The following CFAP54 variants were observed in gnomAD, a reference collection of about 807,000 sequenced individuals.
CFAP54 encodes the protein cilia- and flagella-associated protein 54.
Under a neutral mutation model 370.4 loss-of-function variants are expected in CFAP54, and 290 were observed. That is an observed-to-expected ratio of 0.78 (90% CI 0.71 to 0.86). The LOEUF is 0.86. Among genes scored for constraint, CFAP54 ranks in the 40% least tolerant of loss-of-function variants. CFAP54 has a pLI of 0.00. For synonymous variants in CFAP54, 1,206 were observed against 1,236.5 expected (o/e 0.98, Z 0.52); for missense variants, 3,399 against 3,528.7 (o/e 0.96, Z 0.93).
intron 66 of CFAP54, among the ~76,000 whole-genome samples, chr12:96,842,464 G>T (rs1006844184): frequency 6.6e-6 from 1 of 152,016 alleles, no homozygotes; most frequent in Non-Finnish European, 1.5e-5. Context: ...CCACCAATCT[G>T]TTCTCCATAT....
intron 12 of CFAP54, among the ~76,000 whole-genome samples, chr12:96,536,724 T>G (rs1306532462): frequency 6.6e-6 from 1 of 151,820 alleles, no homozygotes; most frequent in Non-Finnish European, 1.5e-5. Flanking sequence ...CCTCCCAGTT[T>G]CAAGTGATTC....
intron 26 of CFAP54, among the ~76,000 whole-genome samples, chr12:96,600,234 A>C (rs538424097): frequency 6.6e-6 from 1 of 152,176 alleles, no homozygotes; most frequent in Non-Finnish European, 1.5e-5. Context: ...CAGTTTTCCC[A>C]GCACCATTTA....
chr12:96,547,112 CAT>C (rs1355545564), intron 14 of CFAP54, among the ~76,000 whole-genome samples: 2 of 152,156 alleles, frequency 1.3e-5, no homozygotes, highest in East Asian at 1.9e-4. Context: ...CCACCTAAAA[CAT>C]AAAGTACAAG....
intron 39 of CFAP54, 80 bp downstream of exon 39, chr12:96,664,012 T>A: frequency 1.0e-6 from 1 of 994,426 alleles, no homozygotes; most frequent in Non-Finnish European, 1.5e-6. Flanking sequence ...AAACCTTCCA[T>A]AATTAGTATG....
At chr12:96,548,404 A>C (rs1955662267) in intron 15 of CFAP54, among the ~76,000 whole-genome samples, 1 of 151,478 alleles carries the variant, frequency 6.6e-6, no homozygotes, top group African/African-American at 2.4e-5. Context: ...ACCCCCCCTC[A>C]CATTTATATT....
At chr12:96,617,681 T>A (rs949395627) in intron 26 of CFAP54, among the ~76,000 whole-genome samples, 1 of 152,158 alleles carries the variant, frequency 6.6e-6, no homozygotes, top group Non-Finnish European at 1.5e-5. Flanking sequence ...CTTCCAAGGT[T>A]ACTTTTCTTT....
Position 96,608,330 on chromosome 12 carries a change from CACACAT to C in CFAP54, c.3639+9566_3639+9571del, listed in dbSNP as rs1445530131. The stretch of plus-strand genomic sequence containing the variant: ...ATATACACACACACACACACACACA[CACACAT>C]ACGCACACACATACATATAAAATTA... On this transcript the variant is annotated intron_variant, in intron 26 of 67. Transcript: ENST00000524981. Among the ~76,000 whole-genome samples the C allele has an allele frequency of 1.3e-3, 195 of 150,106 alleles. 3 individuals carry two copies. The highest frequency in any genetic ancestry group is 1.5e-3 in the South Asian group (7 of 4,764).
chr12:96,515,651 G>C (rs1955222076), intron 5 of CFAP54, among the ~76,000 whole-genome samples: 1 of 152,150 alleles, frequency 6.6e-6, no homozygotes, highest in Non-Finnish European at 1.5e-5. Context: ...GACGGAAGGA[G>C]AAATAGACCT....
chr12:96,729,534 A>G (rs1285246632), intron 50 of CFAP54, among the ~76,000 whole-genome samples: 1 of 152,212 alleles, frequency 6.6e-6, no homozygotes, highest in African/African-American at 2.4e-5. Flanking sequence ...TCCTAAGCCC[A>G]TCGGAAAAGC....
chr12:96,536,759 T>C (rs1042568732), intron 12 of CFAP54, among the ~76,000 whole-genome samples: 1 of 151,914 alleles, frequency 6.6e-6, no homozygotes, highest in African/African-American at 2.4e-5. Context: ...TCCGAGTAGC[T>C]GGGATTACAG....
chr12:96,743,910 G>A lies in CFAP54; in HGVS notation c.7557G>A (p.Gln2519=). 1 of 1,609,582 alleles carries A rather than the reference G, an allele frequency of 6.2e-7. No homozygotes were observed. Among genetic ancestry groups the A allele is most frequent in the Non-Finnish European group, 8.5e-7 (1 of 1,178,546 alleles). The part of the protein sequence containing the change: ...LTRAHSILTE[Q]MLAFGETIEF... The stretch of plus-strand genomic sequence containing the variant: ...GGGCTCATAGCATTCTAACTGAACA[G>A]GTGAGAATGCTTTTGTGTCTGCGAG... Residue 2519 remains glutamine (Q), a splice_region_variant and synonymous_variant, in exon 54 of 68, where the codon CAG becomes CAA. Transcript: ENST00000524981.
chr12:96,811,852 A>C lies in CFAP54; in HGVS notation c.8957+10A>C. ...GGATTCCACTGAATAGGCAAGTAAA[A>C]ATTCCACAACTCGAATTGTCTTTGT... On this transcript the variant is annotated intron_variant, in intron 64 of 67. Coordinates refer to ENST00000524981, the MANE Select transcript of CFAP54 (RefSeq NM_001306084.2). 7.1e-7 allele frequency: 1 copy of C among 1,398,936 alleles called. No individual in the cohort carries two copies. The highest frequency in any genetic ancestry group is 9.5e-7 in the Non-Finnish European group (1 of 1,048,766). The allele number at this position is 1,398,936 out of a possible 1,614,324, so 86.7% of individuals were successfully genotyped here. A position where few individuals can be genotyped will look rare whatever the true frequency, so the allele number is the denominator to read the frequency against.
intron 67 of CFAP54, 36 bp downstream of exon 67, chr12:96,860,988 C>T (rs1959866636): frequency 1.4e-6 from 2 of 1,411,446 alleles, no homozygotes; most frequent in African/African-American, 1.5e-5. Context: ...TGTTGTTTCT[C>T]TTCATTTGAG....
chr12:96,643,996 C>CT (rs995814128), intron 32 of CFAP54, among the ~76,000 whole-genome samples, 182 bp from the exon 33 acceptor site: 5 of 152,010 alleles, frequency 3.3e-5, no homozygotes, highest in African/African-American at 7.3e-5. Context: ...ATCCCTGTGC[C>CT]TTTTTTTAAA....
intron 26 of CFAP54, among the ~76,000 whole-genome samples, chr12:96,617,312 GTA>G (rs1193971999): frequency 1.3e-5 from 2 of 152,218 alleles, no homozygotes; most frequent in Non-Finnish European, 2.9e-5. Context: ...GAAGTCATTA[GTA>G]TCAGGACTGC....
intron 50 of CFAP54, among the ~76,000 whole-genome samples, chr12:96,736,074 A>C (rs941151067): frequency 3.3e-5 from 5 of 152,208 alleles, no homozygotes; most frequent in Admixed American, 6.5e-5. Flanking sequence ...TGCAAGTGAC[A>C]GAATCGCAAC....
intron 39 of CFAP54, among the ~76,000 whole-genome samples, chr12:96,678,379 G>T (rs1957234332): frequency 6.6e-6 from 1 of 152,100 alleles, no homozygotes; most frequent in African/African-American, 2.4e-5. Flanking sequence ...AGCCTCTTCA[G>T]TTGCTGGGAT....
chr12:96,694,400 C>T (rs894849434), intron 45 of CFAP54, among the ~76,000 whole-genome samples: 10 of 151,946 alleles, frequency 6.6e-5, no homozygotes, highest in Admixed American at 4.6e-4. Flanking sequence ...TTGTTTTGTA[C>T]GTGGATAATC....
At chr12:96,826,041 A>T (rs976021654) in intron 65 of CFAP54, among the ~76,000 whole-genome samples, 2 of 144,942 alleles carry the variant, frequency 1.4e-5, no homozygotes, top group Admixed American at 7.1e-5. Flanking sequence ...TTAATATATT[A>T]TATATATTTT....
Sources: gnomAD v4.1 joint callset for allele counts (sites outside exome capture counted in the v4.1 genomes callset) on GRCh38, gnomAD v4.1.1 for gene constraint, MANE v1.5 for transcripts, NCBI Gene and HGNC (gene_info 2026-07-23, HGNC 2026-07-21) for gene names.